The following IL18RAP variants were observed in gnomAD, a reference collection of about 807,000 sequenced individuals.
IL18RAP encodes the protein interleukin 18 receptor accessory protein.
A neutral mutation model predicts 58.1 loss-of-function variants in IL18RAP; 37 were observed. The ratio of observed to expected loss-of-function variants is 0.64; its 90% CI spans 0.49 to 0.84. The LOEUF is 0.84. IL18RAP is among the 40% of genes least tolerant of loss of function. The pLI, the probability that IL18RAP is intolerant of heterozygous loss-of-function variation, is 0.00. For missense variants in IL18RAP, 667 were observed against 704.8 expected (o/e 0.95, Z 0.61); for synonymous variants, 268 against 257.5 (o/e 1.04, Z -0.39).
rs1681771692 is a variant in IL18RAP at position 102,424,142 on chromosome 2, T to C, written c.395+7T>C. ...GTAGACCCAAGATGATTAAGTATGA[T>C]CCAAATACATTTCTATCTGAAAACA... On this transcript the variant is annotated splice_region_variant and intron_variant, in intron 2 of 9. Coordinates refer to ENST00000687160, the MANE Select transcript of IL18RAP (RefSeq NM_001393487.1). The C allele has an allele frequency of 1.2e-6, 2 of 1,608,676 alleles. No homozygotes were observed. The highest frequency in any genetic ancestry group is 1.7e-6 in the Non-Finnish European group (2 of 1,176,340).
intron 6 of IL18RAP, among the ~76,000 whole-genome samples, chr2:102,444,688 G>A (rs1206788973): frequency 6.6e-6 from 1 of 152,224 alleles, no homozygotes; most frequent in Non-Finnish European, 1.5e-5. Flanking sequence ...ACAAGCCCAG[G>A]AATCAAGCTG....
chr2:102,428,931 T>C (rs1182162001), intron 3 of IL18RAP, among the ~76,000 whole-genome samples: 2 of 151,964 alleles, frequency 1.3e-5, no homozygotes, highest in Non-Finnish European at 2.9e-5. Context: ...TTTTGTCAAA[T>C]GATATTTCTG....
intron 9 of IL18RAP, among the ~76,000 whole-genome samples, chr2:102,451,224 C>T (rs1312552554): frequency 6.6e-6 from 1 of 152,216 alleles, no homozygotes; most frequent in Non-Finnish European, 1.5e-5. Flanking sequence ...AGAAGACAAT[C>T]ACATGGGGCC....
At chr2:102,451,668 T>C in intron 9 of IL18RAP, 98 bp from the exon 10 acceptor site, 1 of 974,974 alleles carries the variant, frequency 1.0e-6, no homozygotes, top group Middle Eastern at 2.2e-4. Context: ...AGTAAACATG[T>C]CTCCCTTCCT....
chr2:102,440,110 C>T (rs1683006813), intron 4 of IL18RAP: 1 of 152,200 alleles, frequency 6.6e-6, no homozygotes, highest in Non-Finnish European at 1.5e-5. Flanking sequence ...CCTCAGGCAC[C>T]AAGACCTTTC....
chr2:102,429,030 T>C (rs1476093015), intron 3 of IL18RAP, among the ~76,000 whole-genome samples: 1 of 152,044 alleles, frequency 6.6e-6, no homozygotes, highest in African/African-American at 2.4e-5. Flanking sequence ...TGAAACATCC[T>C]TGCATCCCAG....
At chr2:102,449,363 A>G (rs58789007) in intron 8 of IL18RAP, among the ~76,000 whole-genome samples, 2 of 152,330 alleles carry the variant, frequency 1.3e-5, no homozygotes, top group African/African-American at 4.8e-5. Flanking sequence ...TGTTTTTAAG[A>G]TTTATTTTAA....
At chr2:102,436,403 C>T (rs1253194859) in intron 3 of IL18RAP, among the ~76,000 whole-genome samples, 1 of 152,160 alleles carries the variant, frequency 6.6e-6, no homozygotes, top group Non-Finnish European at 1.5e-5. Context: ...ATATATTTAG[C>T]CTTGTATACC....
At chr2:102,433,050 G>A (rs1573277512) in intron 3 of IL18RAP, among the ~76,000 whole-genome samples, 1 of 151,950 alleles carries the variant, frequency 6.6e-6, no homozygotes, top group Middle Eastern at 3.4e-3. Flanking sequence ...ACTGGCCTAG[G>A]GCACCGAGAT....
chr2:102,442,281 G>A (rs1426092677), intron 5 of IL18RAP, among the ~76,000 whole-genome samples: 1 of 151,514 alleles, frequency 6.6e-6, no homozygotes, highest in African/African-American at 2.4e-5. Context: ...ATAAAATGCT[G>A]TTTTTCTTTT....
intron 5 of IL18RAP, among the ~76,000 whole-genome samples, chr2:102,442,541 A>C (rs1412945455): frequency 6.6e-6 from 1 of 152,148 alleles, no homozygotes; most frequent in Non-Finnish European, 1.5e-5. Context: ...GTGAATTATA[A>C]GGTATTACCA....
chr2:102,443,131 C>T, intron 5 of IL18RAP, 69 bp from the exon 6 acceptor site: 1 of 1,496,786 alleles, frequency 6.7e-7, no homozygotes, highest in Non-Finnish European at 9.0e-7. Flanking sequence ...GCGACGTCTT[C>T]CTCCCAGATG....
chr2:102,452,111 G>A lies in IL18RAP; in HGVS notation c.1730G>A (p.Arg577Lys). ...FTWNQLRITS[R>K]IFQWKGLSRT... The stretch of plus-strand genomic sequence containing the variant: ...TGGAACCAGCTCAGAATTACCTCTA[G>A]GATTTTTCAGTGGAAAGGACTCAGT... The change falls in exon 10 of 10, where the codon AGG becomes AAG. Residue 577 changes from arginine to lysine, a missense_variant. Coordinates refer to ENST00000687160, the MANE Select transcript of IL18RAP (RefSeq NM_001393487.1). 6.2e-7 allele frequency: 1 copy of A among 1,614,104 alleles called. No individual in the cohort carries two copies. Among genetic ancestry groups the A allele is most frequent in the Non-Finnish European group, 8.5e-7 (1 of 1,180,008 alleles).
chr2:102,446,031 G>C (rs963862841), intron 7 of IL18RAP, among the ~76,000 whole-genome samples: 6 of 152,194 alleles, frequency 3.9e-5, no homozygotes, highest in Admixed American at 1.3e-4. Context: ...TTTCCCCCAT[G>C]GGAGTATGCA....
At chr2:102,450,816 CTT>C in intron 8 of IL18RAP, 30 bp from the exon 9 acceptor site, 1 of 1,445,512 alleles carries the variant, frequency 6.9e-7, no homozygotes. Flanking sequence ...GAGTAAATGA[CTT>C]ATGTTTTTAT....
chr2:102,444,621 A>T (rs1683303945), intron 6 of IL18RAP, among the ~76,000 whole-genome samples: 1 of 152,216 alleles, frequency 6.6e-6, no homozygotes, highest in South Asian at 2.1e-4. Flanking sequence ...AACTTCAGAG[A>T]ACTCAAATTG....
At chr2:102,448,289 C>G (rs186566868) in intron 8 of IL18RAP, among the ~76,000 whole-genome samples, 56 of 152,288 alleles carry the variant, frequency 3.7e-4, no homozygotes, top group Non-Finnish European at 2.5e-4. Flanking sequence ...CCTCAGTTAG[C>G]CTCATCTGTA....
chr2:102,450,956 A>G lies in IL18RAP; in HGVS notation c.1319A>G (p.Asp440Gly). ...EEHLALSLFPDVLENKYGYSL... is the reference protein window; with the variant it reads ...EEHLALSLFPGVLENKYGYSL... ...CACTTGGCCCTGAGCCTATTTCCTG[A>G]TGTTTTAGAAAACAAATATGGATAT... Residue 440 changes from aspartate to glycine, a missense_variant, in exon 9 of 10, where the codon GAT (aspartate) becomes GGT (glycine). Physicochemically the swap from Asp to Gly is moderately conservative, Grantham distance 94. Coordinates refer to ENST00000687160, the MANE Select transcript of IL18RAP (RefSeq NM_001393487.1). The G allele has an allele frequency of 6.2e-7, 1 of 1,611,848 alleles. No homozygotes were observed. The highest frequency in any genetic ancestry group is 8.5e-7 in the Non-Finnish European group (1 of 1,179,094).
In IL18RAP at chr2:102,437,627, A is replaced by G. The variant is rs554417028; in HGVS notation, c.730+265A>G. On this transcript the variant is annotated intron_variant, in intron 4 of 9. Transcript: ENST00000687160. ...TGTAATAAATTTAAAAAATGTATGA[A>G]ACATTTCACACACAGAAATATTGTG... Among the ~76,000 whole-genome samples, 6 of 152,310 alleles carry G rather than the reference A, an allele frequency of 3.9e-5. No individual in the cohort carries two copies. The South Asian group carries it at 1.2e-3, about 32-fold the overall frequency.
Sources: allele counts gnomAD v4.1 joint callset (sites outside exome capture counted in the v4.1 genomes callset), GRCh38; gene constraint gnomAD v4.1.1; transcripts MANE v1.5; gene names NCBI Gene and HGNC (gene_info 2026-07-23, HGNC 2026-07-21).